ELMO1: variants seen among roughly 807,000 people sequenced by gnomAD.
ELMO1 encodes engulfment and cell motility 1.
Under a neutral mutation model 98.9 loss-of-function variants are expected in ELMO1, and 26 were observed. The observed-to-expected ratio is 0.26, with a 90% CI of 0.19 to 0.36. The LOEUF is 0.36. Among genes scored for constraint, ELMO1 ranks in the 10% least tolerant of loss-of-function variants. ELMO1 has a pLI of 1.00. For synonymous variants in ELMO1, 346 were observed against 346.0 expected (o/e 1.00, Z 0.00); for missense variants, 627 against 935.2 (o/e 0.67, Z 4.30).
intron 2 of ELMO1, among the ~76,000 whole-genome samples, chr7:37,327,329 C>T (rs1334319279): frequency 2.0e-5 from 3 of 152,202 alleles, no homozygotes; most frequent in Non-Finnish European, 4.4e-5. Context: ...TATTTATGTG[C>T]ATAGCTTAAA....
At chr7:37,221,022 C>T (rs1206231537) in intron 10 of ELMO1, among the ~76,000 whole-genome samples, 3 of 152,100 alleles carry the variant, frequency 2.0e-5, no homozygotes, top group African/African-American at 7.2e-5. Context: ...GTTATGAGTT[C>T]GGTATTTAGA....
chr7:36,976,390 ATACT>A (rs1191711384), intron 16 of ELMO1, among the ~76,000 whole-genome samples: 1 of 152,266 alleles, frequency 6.6e-6, no homozygotes, highest in African/African-American at 2.4e-5. Context: ...AACTTAAAAA[ATACT>A]TCCTGTGAAC....
chr7:37,334,847 A>C (rs887420616), intron 2 of ELMO1, among the ~76,000 whole-genome samples: 3 of 152,236 alleles, frequency 2.0e-5, no homozygotes, highest in African/African-American at 7.2e-5. Flanking sequence ...CTTACCTAAA[A>C]CACATGCATC....
At chr7:37,182,588 C>A (rs1403113465) in intron 13 of ELMO1, among the ~76,000 whole-genome samples, 1 of 150,610 alleles carries the variant, frequency 6.6e-6, no homozygotes, top group Non-Finnish European at 1.5e-5. Context: ...CCTCCCCCTC[C>A]TCTCTCTCTT....
intron 16 of ELMO1, among the ~76,000 whole-genome samples, chr7:36,973,371 T>C (rs1380183516): frequency 1.3e-5 from 2 of 152,238 alleles, no homozygotes; most frequent in Admixed American, 1.3e-4. Context: ...GAGACTGTGT[T>C]TTAACAATGT....
chr7:36,959,251 C>T (rs1013708713), intron 16 of ELMO1, among the ~76,000 whole-genome samples: 2 of 152,128 alleles, frequency 1.3e-5, no homozygotes, highest in Non-Finnish European at 2.9e-5. Context: ...GCAGCAGGGG[C>T]CTCCTCATCT....
intron 15 of ELMO1, among the ~76,000 whole-genome samples, chr7:37,026,856 G>C (rs1221099928): frequency 6.6e-6 from 1 of 152,158 alleles, no homozygotes; most frequent in African/African-American, 2.4e-5. Context: ...TGGAGAGGCT[G>C]GCTTTGTCAT....
At chr7:37,015,930 G>A (rs772807776) in intron 15 of ELMO1, among the ~76,000 whole-genome samples, 10 of 152,170 alleles carry the variant, frequency 6.6e-5, no homozygotes, top group East Asian at 1.9e-4. Flanking sequence ...TTTGACTTGC[G>A]ATACAAAGCT....
intron 2 of ELMO1, among the ~76,000 whole-genome samples, chr7:37,318,177 T>G (rs1343773252): frequency 1.3e-5 from 2 of 152,222 alleles, no homozygotes; most frequent in African/African-American, 4.8e-5. Context: ...TGCTGTGAGC[T>G]GAGGAACAAA....
At chr7:36,860,827 C>G (rs776699264) in intron 21 of ELMO1, among the ~76,000 whole-genome samples, 1 of 152,194 alleles carries the variant, frequency 6.6e-6, no homozygotes, top group African/African-American at 2.4e-5. Context: ...TTTCCTCTCT[C>G]TTTGGGATAT....
chr7:37,092,586 AG>A (rs1293876716), intron 15 of ELMO1, among the ~76,000 whole-genome samples: 11 of 118,788 alleles, frequency 9.3e-5, no homozygotes, highest in Non-Finnish European at 1.1e-4. Flanking sequence ...CGTGTTAGAC[AG>A]GACGGTCTTG....
At chr7:36,894,049 G>A (rs1805777744) in intron 17 of ELMO1, among the ~76,000 whole-genome samples, 2 of 152,128 alleles carry the variant, frequency 1.3e-5, no homozygotes, top group African/African-American at 4.8e-5. Context: ...AGGACAAAAT[G>A]AGAATAAATA....
intron 13 of ELMO1, among the ~76,000 whole-genome samples, chr7:37,149,578 C>T (rs554062748): frequency 2.6e-5 from 4 of 152,274 alleles, no homozygotes; most frequent in East Asian, 1.9e-4. Context: ...CTCAGTCATA[C>T]TTATTGATTT....
intron 15 of ELMO1, among the ~76,000 whole-genome samples, chr7:37,014,340 GA>G (rs1167785488): frequency 1.3e-5 from 2 of 151,954 alleles, no homozygotes; most frequent in Non-Finnish European, 2.9e-5. Flanking sequence ...GTGACCCCCA[GA>G]ACCAATACCC....
intron 1 of ELMO1, among the ~76,000 whole-genome samples, chr7:37,417,867 C>A (rs1307502604): frequency 6.6e-6 from 1 of 152,106 alleles, no homozygotes; most frequent in Non-Finnish European, 1.5e-5. Flanking sequence ...AAACGTCATG[C>A]AAAAACAGAC....
chr7:37,204,010 G>T (rs1792455916), intron 13 of ELMO1: 1 of 439,528 alleles, frequency 2.3e-6, no homozygotes, highest in Non-Finnish European at 4.6e-6. Context: ...AGCCACGCTA[G>T]TCGCTTTTAA....
intron 14 of ELMO1, among the ~76,000 whole-genome samples, chr7:37,111,335 G>A (rs1187870864): frequency 6.6e-6 from 1 of 152,238 alleles, no homozygotes; most frequent in Non-Finnish European, 1.5e-5. Flanking sequence ...GATAATGCAT[G>A]AGAAGGCAAA....
At chr7:36,881,580 A>T (rs2080367) in intron 18 of ELMO1, among the ~76,000 whole-genome samples, 2 of 151,948 alleles carry the variant, frequency 1.3e-5, no homozygotes, top group African/African-American at 2.4e-5. Context: ...TACTAATGAG[A>T]GTACGTTAAT....
At chr7:36,932,798 C>T (rs914610038) in intron 16 of ELMO1, among the ~76,000 whole-genome samples, 9 of 152,162 alleles carry the variant, frequency 5.9e-5, no homozygotes, top group African/African-American at 1.9e-4. Context: ...GCTGGCAATA[C>T]CCTCTGTGTG....
Sources: allele counts gnomAD v4.1 joint callset (sites outside exome capture counted in the v4.1 genomes callset), GRCh38; gene constraint gnomAD v4.1.1; transcripts MANE v1.5; gene names NCBI Gene and HGNC (gene_info 2026-07-23, HGNC 2026-07-21).